GUCY2D: variants seen among roughly 807,000 people sequenced by gnomAD.
The protein encoded by GUCY2D is retinal guanylyl cyclase 1.
A neutral mutation model predicts 101.3 loss-of-function variants in GUCY2D; 70 were observed. The observed-to-expected ratio is 0.69, with a 90% CI of 0.57 to 0.84. The LOEUF (loss-of-function observed/expected upper bound fraction) is 0.84, where lower values mean the gene tolerates loss of function less well. GUCY2D is among the 40% of genes least tolerant of loss of function. The pLI, the probability that GUCY2D is intolerant of heterozygous loss-of-function variation, is 0.00. For synonymous variants in GUCY2D, 688 were observed against 670.7 expected (o/e 1.03, Z -0.40); for missense variants, 1,460 against 1,542.5 (o/e 0.95, Z 0.90).
chr17:8,019,904 T>G (rs1976040822), intron 19 of GUCY2D, among the ~76,000 whole-genome samples: 2 of 152,038 alleles, frequency 1.3e-5, no homozygotes, highest in Admixed American at 1.3e-4. Context: ...TCCCCCACCT[T>G]CAGATGTGTT....
At position 8,003,408 on chromosome 17, in the gene GUCY2D, G is replaced by A. The variant is rs1284617566; in HGVS notation, c.361G>A (p.Val121Met). The A allele has an allele frequency of 7.4e-6, 11 of 1,495,304 alleles. No homozygotes were observed. The highest frequency in any genetic ancestry group is 8.9e-6 in the Non-Finnish European group (10 of 1,129,728). 92.6% of individuals were successfully genotyped at this position (1,495,304 alleles called of 1,614,324 possible). A position where few individuals can be genotyped will look rare whatever the true frequency, so the allele number is the denominator to read the frequency against. Residue 121 changes from valine to methionine, a missense_variant, in exon 2 of 20, where the codon GTG (valine) becomes ATG (methionine). Coordinates refer to ENST00000254854, the MANE Select transcript of GUCY2D (RefSeq NM_000180.4). The stretch of plus-strand genomic sequence containing the variant: ...GGCCGTGTCCTCCGCGCTGGCCCGC[G>A]TGTCGGGCCTCGTGGGTCCGGTGAA... The part of the protein sequence containing the change: ...LGAVSSALAR[V>M]SGLVGPVNPA...
rs1274140772 is a variant in GUCY2D, at chr17:8,013,341, C to T, written c.2263+89C>T. On this transcript the variant is annotated intron_variant, in intron 11 of 19. Transcript: ENST00000254854. The surrounding 1 kb of genome is among the most constrained non-coding windows in gnomAD (Gnocchi z 5.0). ...CCTCACTCTTTCCTCTAAAGCAAAGCCCAGTGATGAAACTCAATTATACGG... is the reference window on the plus strand; with the variant it reads ...CCTCACTCTTTCCTCTAAAGCAAAGTCCAGTGATGAAACTCAATTATACGG... 4.5e-6 allele frequency: 6 copies of T among 1,336,402 alleles called. No homozygotes were observed. The Admixed American group carries it at 1.1e-4, about 25-fold the overall frequency. 82.8% of individuals were successfully genotyped at this position (1,336,402 alleles called of 1,614,324 possible). A position where few individuals can be genotyped will look rare whatever the true frequency, so the allele number is the denominator to read the frequency against.
chr17:8,012,782 G>A (rs571522042), intron 10 of GUCY2D, among the ~76,000 whole-genome samples, 176 bp downstream of exon 10: 277 of 152,338 alleles, frequency 1.8e-3, no homozygotes, highest in African/African-American at 6.1e-3. Flanking sequence ...TGTGACTTCG[G>A]AGACGGGGCT....
At position 8,009,492 on chromosome 17, in the gene GUCY2D, C is replaced by G. The variant is rs761529451; in HGVS notation, c.1669-14C>G. On this transcript the variant is annotated splice_polypyrimidine_tract_variant and intron_variant, in intron 7 of 19. Transcript: ENST00000254854. ...AAGAGACTGAGTTCCCTACCCCCAT[C>G]CTCTTTGCTGCAGGGAGACAGGGTT... 1.9e-6 allele frequency: 3 copies of G among 1,582,702 alleles called. No homozygotes were observed. In the Admixed American group the frequency reaches 5.0e-5, roughly 26 times the overall value.
chr17:8,015,912 C>G lies in GUCY2D; in HGVS notation c.3044-15C>G. 1 of 1,604,034 alleles carries G rather than the reference C, an allele frequency of 6.2e-7. No individual in the cohort carries two copies. Among genetic ancestry groups the G allele is most frequent in the Non-Finnish European group, 8.5e-7 (1 of 1,174,838 alleles). On this transcript the variant is annotated splice_polypyrimidine_tract_variant and intron_variant, in intron 16 of 19. Transcript: ENST00000254854. ...GAGGTGAGTCCCGAGCTCACGGCGT[C>G]CCCCACCGCCACAGCTTACCGCATC...
In GUCY2D at chr17:8,003,244, C is replaced by T; in HGVS notation, c.197C>T (p.Pro66Leu). The change falls in exon 2 of 20, where the codon CCC becomes CTC. Residue 66 changes from proline to leucine, a missense_variant. Physicochemically the swap from Pro to Leu is moderately conservative, Grantham distance 98. Coordinates refer to ENST00000254854, the MANE Select transcript of GUCY2D (RefSeq NM_000180.4). The part of the protein sequence containing the change: ...VGVLGPWACD[P>L]IFSRARPDLA... ...GTCCTGGGCCCCTGGGCTTGCGACC[C>T]CATCTTCTCTCGGGCTCGCCCGGAC... The T allele has an allele frequency of 6.6e-7, 1 of 1,515,994 alleles. No individual in the cohort carries two copies. The highest frequency in any genetic ancestry group is 8.8e-7 in the Non-Finnish European group (1 of 1,137,048). The allele number at this position is 1,515,994 out of a possible 1,614,324, so 93.9% of individuals were successfully genotyped here.
chr17:8,012,589 A>G lies in GUCY2D; in HGVS notation c.2096A>G (p.Glu699Gly). 6.2e-7 allele frequency: 1 copy of G among 1,613,396 alleles called. No homozygotes were observed. The highest frequency in any genetic ancestry group is 8.5e-7 in the Non-Finnish European group (1 of 1,179,758). Residue 699 changes from glutamate (E) to glycine (G), a missense_variant, in exon 10 of 20, where the codon GAG (glutamate) becomes GGG (glycine). Around this residue, in one of 3 missense-constraint regions of GUCY2D, gnomAD observed 1,196 missense variants for 1,229.6 expected, o/e 0.97. Coordinates refer to ENST00000254854, the MANE Select transcript of GUCY2D (RefSeq NM_000180.4). ...RLLEAQKVLP[E>G]PPRAEDQLWT... ...CTGGAAGCACAGAAGGTGCTACCGG[A>G]GCCTCCCAGAGCGGAGGGTAAGAGT... is the stretch of plus-strand genomic sequence containing the variant.
rs775007490 is a variant in GUCY2D, at chr17:8,016,216, C to T, written c.3150C>T (p.Ala1050=). 5.7e-6 allele frequency: 9 copies of T among 1,589,328 alleles called. No homozygotes were observed. Among genetic ancestry groups the T allele is most frequent in the African/African-American group, 1.3e-5 (1 of 74,666 alleles). ...RGRTELKGKG[A]EDTFWLVGRR... ...CCATGTCTCCCCAGGGCAAGGGCGC[C>T]GAGGACACTTTCTGGCTAGTGGGCA... is the stretch of plus-strand genomic sequence containing the variant. Residue 1050 remains alanine (A), a synonymous_variant, in exon 18 of 20, where the codon GCC becomes GCT. Coordinates refer to ENST00000254854, the MANE Select transcript of GUCY2D (RefSeq NM_000180.4).
rs2151802315 is a variant in GUCY2D at position 8,012,139 on chromosome 17, C to T, written c.1750-5C>T. ...GAAAATGCAAGTCAACTCTCCCCCT[C>T]TCAGCTCCAGGAGCTCCGGCATGAG... On this transcript the variant is annotated splice_polypyrimidine_tract_variant and splice_region_variant and intron_variant, in intron 8 of 19. Transcript: ENST00000254854. 1 of 1,611,276 alleles carries T rather than the reference C, an allele frequency of 6.2e-7. No individual in the cohort carries two copies. The highest frequency in any genetic ancestry group is 1.1e-5 in the South Asian group (1 of 91,000).
chr17:8,012,082 T>A (rs1206217456), intron 8 of GUCY2D, 62 bp from the exon 9 acceptor site: 2 of 1,164,338 alleles, frequency 1.7e-6, no homozygotes, highest in East Asian at 4.7e-5. Context: ...CAGATCTTGA[T>A]TAACAGCCCC....
In GUCY2D at chr17:8,015,889, G is replaced by A; in HGVS notation, c.3044-38G>A. 4 of 1,593,152 alleles carry A rather than the reference G, an allele frequency of 2.5e-6. No individual in the cohort carries two copies. The South Asian group carries it at 3.4e-5, about 13-fold the overall frequency. ...GGGGAGGTGGGAGGGGGACACGGGAGGTGAGTCCCGAGCTCACGGCGTCCC... is the reference window on the plus strand; with the variant it reads ...GGGGAGGTGGGAGGGGGACACGGGAAGTGAGTCCCGAGCTCACGGCGTCCC... On this transcript the variant is annotated intron_variant, in intron 16 of 19. Transcript: ENST00000254854.
intron 19 of GUCY2D, among the ~76,000 whole-genome samples, chr17:8,019,034 TA>T (rs1344198610): frequency 1.3e-5 from 2 of 152,108 alleles, no homozygotes; most frequent in Non-Finnish European, 2.9e-5. Flanking sequence ...TACGATGAAT[TA>T]AAGATTAAAA....
At chr17:8,016,325 G>A (rs1315003083) in intron 18 of GUCY2D, 35 bp downstream of exon 18, 7 of 1,486,012 alleles carry the variant, frequency 4.7e-6, no homozygotes, top group East Asian at 2.4e-5. Flanking sequence ...GGCGAGGGAC[G>A]AGGGACCCCT....
At chr17:8,012,379 T>G in intron 9 of GUCY2D, 29 bp downstream of exon 9, 2 of 1,547,126 alleles carry the variant, frequency 1.3e-6, no homozygotes, top group African/African-American at 1.4e-5. Context: ...TGGGGTGACG[T>G]CCTGGGGGCA....
At position 8,003,221 on chromosome 17, in the gene GUCY2D, C is replaced by T. The variant is rs964109390; in HGVS notation, c.174C>T (p.Val58=). The T allele has an allele frequency of 2.6e-6, 4 of 1,518,718 alleles. No homozygotes were observed. Among genetic ancestry groups the T allele is most frequent in the East Asian group, 2.6e-5 (1 of 38,030 alleles). The allele number at this position is 1,518,718 out of a possible 1,614,324, so 94.1% of individuals were successfully genotyped here. ...PALSAVFTVG[V]LGPWACDPIF... ...TCTCCGCCGTGTTCACGGTGGGGGTCCTGGGCCCCTGGGCTTGCGACCCCA... is the reference window on the plus strand; with the variant it reads ...TCTCCGCCGTGTTCACGGTGGGGGTTCTGGGCCCCTGGGCTTGCGACCCCA... The change falls in exon 2 of 20, where the codon GTC becomes GTT. Residue 58 remains valine, a synonymous_variant. Transcript: ENST00000254854.
At position 8,012,328 on chromosome 17, in the gene GUCY2D, C is replaced by T; in HGVS notation, c.1934C>T (p.Ser645Phe). The T allele has an allele frequency of 6.2e-7, 1 of 1,613,596 alleles. No homozygotes were observed. Residue 645 changes from serine to phenylalanine, a missense_variant, in exon 9 of 20, where the codon TCC becomes TTC. Ser to Phe is a radical substitution (Grantham distance 155). Transcript: ENST00000254854. ...EIKLDWMFKS[S>F]LLLDLIKGIR... ...AAGCTGGACTGGATGTTCAAGTCCT[C>T]CCTCCTGCTGGACCTTATCAAGGTG...
Position 8,014,934 on chromosome 17 carries a change from T to G in GUCY2D, c.2652T>G (p.Ser884Arg), listed in dbSNP as rs1312068096. ...TTGAGCAAGTGACACTGTACTTTAGTGACATTGTGGGCTTCACCACCATCT... is the reference window on the plus strand; with the variant it reads ...TTGAGCAAGTGACACTGTACTTTAGGGACATTGTGGGCTTCACCACCATCT... ...EYFEQVTLYF[S>R]DIVGFTTISA... Residue 884 changes from serine (S) to arginine (R), a missense_variant, in exon 14 of 20, where the codon AGT (serine) becomes AGG (arginine). Transcript: ENST00000254854. This position sits in a 1 kb window ranked among gnomAD's most constrained non-coding sequence, Gnocchi z 4.0. 2 of 1,614,028 alleles carry G rather than the reference T, an allele frequency of 1.2e-6. No homozygotes were observed. The highest frequency in any genetic ancestry group is 8.5e-7 in the Non-Finnish European group (1 of 1,179,926).
At position 8,007,162 on chromosome 17, in the gene GUCY2D, G is replaced by GT; in HGVS notation, c.1463+19dup. On this transcript the variant is annotated intron_variant, in intron 5 of 19. Transcript: ENST00000254854. Reference sequence around the variant, plus strand: ...TATGTGAGGTGAGTAGTGGAATGAGGTAAGTAGGAAGTGAGCTTGTGCCAG... The same window carrying GT: ...TATGTGAGGTGAGTAGTGGAATGAGGTTAAGTAGGAAGTGAGCTTGTGCCAG... 1 of 1,567,882 alleles carries GT rather than the reference G, an allele frequency of 6.4e-7. No individual in the cohort carries two copies. Among genetic ancestry groups the GT allele is most frequent in the Non-Finnish European group, 8.8e-7 (1 of 1,137,904 alleles).
In GUCY2D at chr17:8,014,023, G is replaced by C. The variant is rs752269926; in HGVS notation, c.2407G>C (p.Asp803His). ...ELRPSMDHTF[D>H]LFKNINKGRK... ...TCGGCCCTCCATGGACCACACCTTC[G>C]ACCTGGTCAGGGGCTGGGAGTGGGC... The change falls in exon 12 of 20, where the codon GAC becomes CAC. Residue 803 changes from aspartate (D) to histidine (H), a missense_variant. Transcript: ENST00000254854. The surrounding 1 kb of genome is among the most constrained non-coding windows in gnomAD (Gnocchi z 4.0). The C allele has an allele frequency of 2.0e-5, 32 of 1,612,666 alleles. No homozygotes were observed. Among genetic ancestry groups the C allele is most frequent in the Non-Finnish European group, 2.7e-5 (32 of 1,179,872 alleles).
Sources: gnomAD v4.1 joint callset for allele counts (sites outside exome capture counted in the v4.1 genomes callset) on GRCh38, gnomAD v4.1.1 for gene constraint, gnomAD v4.1.1 regional missense constraint, Gnocchi (gnomAD v3.1) non-coding constraint, MANE v1.5 for transcripts, NCBI Gene and HGNC (gene_info 2026-07-23, HGNC 2026-07-21) for gene names.